Variants in ERBB2 observed in about 807,000 individuals in gnomAD.
ERBB2 encodes erb-b2 receptor tyrosine kinase 2.
Under a neutral mutation model 149.0 loss-of-function variants are expected in ERBB2, and 61 were observed. The ratio of observed to expected loss-of-function variants is 0.41; its 90% confidence interval spans 0.33 to 0.51. The LOEUF (loss-of-function observed/expected upper bound fraction) is 0.51, where lower values mean the gene tolerates loss of function less well. Ranked by LOEUF, ERBB2 falls within the 20% of genes least tolerant of loss-of-function variation. The probability of loss-of-function intolerance (pLI) is 0.25; values close to 1 mark genes in which losing one functional copy is unlikely to be tolerated. For synonymous variants in ERBB2, 633 were observed against 678.8 expected (o/e 0.93, Z 1.05); for missense variants, 1,205 against 1,655.1 (o/e 0.73, Z 4.72).
chr17:39,716,142 CCT>C (rs1355320068), intron 12 of ERBB2, 157 bp from the exon 13 acceptor site: 3 of 996,782 alleles, frequency 3.0e-6, no homozygotes, highest in African/African-American at 1.6e-5. Context: ...CTTCCCTCCC[CCT>C]CTGTTTCTGA....
At chr17:39,695,772 C>G (rs943261224), upstream of ERBB2, among the ~76,000 whole-genome samples, 1 of 147,224 alleles carries the variant, frequency 6.8e-6, no homozygotes, top group South Asian at 2.2e-4. Context: ...TCCTGTGCCC[C>G]CCAGTCTCCA....
At position 39,728,622 on chromosome 17, in the gene ERBB2, C is replaced by T. The variant is rs1431358428; in HGVS notation, c.*578C>T. 4.3e-6 allele frequency: 1 copy of T among 233,202 alleles called. No homozygotes were observed. The highest frequency in any genetic ancestry group is 2.2e-5 in the African/African-American group (1 of 45,260). The allele number at this position is 233,202 out of a possible 1,614,324, so 14.4% of individuals were successfully genotyped here. A position where few individuals can be genotyped will look rare whatever the true frequency, so the allele number is the denominator to read the frequency against. ...CAAGTGTGGGGGGTCCTTCTCCACA[C>T]CCACTTTGTCCATTTGCAAATATAT... On this transcript the variant is annotated 3_prime_UTR_variant, in exon 27 of 27. Coordinates refer to ENST00000269571, the MANE Select transcript of ERBB2 (RefSeq NM_004448.4).
At position 39,725,593 on chromosome 17, in the gene ERBB2, C is replaced by T; in HGVS notation, c.2726-114C>T. On this transcript the variant is annotated intron_variant, in intron 22 of 26. Coordinates refer to ENST00000269571, the MANE Select transcript of ERBB2 (RefSeq NM_004448.4). The surrounding 1 kb of genome is among the most constrained non-coding windows in gnomAD (Gnocchi z 4.6). ...AGACCGGGTAGGGTCTGTCTCCTGGCATCACATCTCCCCCTGCTACCTGCC... is the reference window on the plus strand; with the variant it reads ...AGACCGGGTAGGGTCTGTCTCCTGGTATCACATCTCCCCCTGCTACCTGCC... 7.7e-7 allele frequency: 1 copy of T among 1,291,778 alleles called. No individual in the cohort carries two copies. The highest frequency in any genetic ancestry group is 1.1e-6 in the Non-Finnish European group (1 of 926,520). The allele number at this position is 1,291,778 out of a possible 1,614,324, so 80.0% of individuals were successfully genotyped here.
In ERBB2 at chr17:39,709,392, A is replaced by G; in HGVS notation, c.514A>G (p.Ile172Val). ...CCAGGACACGATTTTGTGGAAGGACATCTTCCACAAGAACAACCAGCTGGC... is the reference window on the plus strand; with the variant it reads ...CCAGGACACGATTTTGTGGAAGGACGTCTTCCACAAGAACAACCAGCTGGC... ...CYQDTILWKD[I>V]FHKNNQLALT... The change falls in exon 4 of 27, where the codon ATC becomes GTC. Residue 172 changes from isoleucine to valine, a missense_variant. Physicochemically the swap from Ile to Val is conservative, Grantham distance 29 (BLOSUM62 3). This residue lies in a region of ERBB2 where 569 missense variants were observed against 803.5 expected (regional missense o/e 0.71). Coordinates refer to ENST00000269571, the MANE Select transcript of ERBB2 (RefSeq NM_004448.4). The G allele has an allele frequency of 6.2e-7, 1 of 1,613,916 alleles. No homozygotes were observed. The highest frequency in any genetic ancestry group is 1.3e-5 in the African/African-American group (1 of 74,988).
At chr17:39,716,643 G>C (rs775274462) in intron 14 of ERBB2, 38 bp downstream of exon 14, 27 of 1,575,848 alleles carry the variant, frequency 1.7e-5, no homozygotes, top group African/African-American at 2.7e-5. Flanking sequence ...GTGGAGGGGG[G>C]CAGCGAGGGG....
Position 39,727,900 on chromosome 17 carries a change from C to T in ERBB2, c.3624C>T (p.His1208=), listed in dbSNP as rs1288263593. Residue 1208 remains histidine, a synonymous_variant, in exon 27 of 27, where the codon CAC becomes CAT. Coordinates refer to ENST00000269571, the MANE Select transcript of ERBB2 (RefSeq NM_004448.4). This position sits in a 1 kb window ranked among gnomAD's most constrained non-coding sequence, Gnocchi z 4.3. ...AGGGAGGAGCTGCCCCTCAGCCCCA[C>T]CCTCCTCCTGCCTTCAGCCCAGCCT... is the stretch of plus-strand genomic sequence containing the variant. ...TPQGGAAPQP[H]PPPAFSPAFD... The T allele has an allele frequency of 3.7e-6, 6 of 1,614,166 alleles. No individual in the cohort carries two copies. The African/African-American group carries it at 4.0e-5, about 11-fold the overall frequency.
upstream of ERBB2, among the ~76,000 whole-genome samples, chr17:39,694,249 A>ATGTGTG (rs1351909343): frequency 8.7e-5 from 3 of 34,566 alleles, no homozygotes; most frequent in Middle Eastern, 0.016. Flanking sequence ...ATATATATAT[A>ATGTGTG]TATATATATA....
At position 39,727,502 on chromosome 17, in the gene ERBB2, G is replaced by C. The variant is rs757332075; in HGVS notation, c.3367G>C (p.Glu1123Gln). The change falls in exon 26 of 27, where the codon GAG becomes CAG. Residue 1123 changes from glutamate (E) to glutamine (Q), a missense_variant. Physicochemically the swap from Glu to Gln is conservative, Grantham distance 29. Around this residue, in one of 6 missense-constraint regions of ERBB2, gnomAD observed 312 missense variants for 343.8 expected, o/e 0.91. Transcript: ENST00000269571. This position sits in a 1 kb window ranked among gnomAD's most constrained non-coding sequence, Gnocchi z 4.3. The part of the protein sequence containing the change: ...SEDPTVPLPS[E>Q]TDGYVAPLTC... ...GGACCCCACAGTACCCCTGCCCTCTGAGACTGATGGCTACGTTGCCCCCCT... is the reference window on the plus strand; with the variant it reads ...GGACCCCACAGTACCCCTGCCCTCTCAGACTGATGGCTACGTTGCCCCCCT... 2 of 1,608,108 alleles carry C rather than the reference G, an allele frequency of 1.2e-6. No individual in the cohort carries two copies. Among genetic ancestry groups the C allele is most frequent in the South Asian group, 2.2e-5 (2 of 90,326 alleles).
At chr17:39,712,797 G>C (rs540692432) in intron 9 of ERBB2, among the ~76,000 whole-genome samples, 1 of 152,288 alleles carries the variant, frequency 6.6e-6, no homozygotes, top group African/African-American at 2.4e-5. Context: ...GTATCCATTT[G>C]GTGAAGTTCT....
rs2143291914 is a variant in ERBB2, at chr17:39,727,743, C to A, written c.3467C>A (p.Pro1156His). ...CAGCCCCCTTCGCCCCGAGAGGGCCCTCTGCCTGCTGCCCGACCTGCTGGT... is the reference window on the plus strand; with the variant it reads ...CAGCCCCCTTCGCCCCGAGAGGGCCATCTGCCTGCTGCCCGACCTGCTGGT... ...RPQPPSPREG[P>H]LPAARPAGAT... Residue 1156 changes from proline (P) to histidine (H), a missense_variant, in exon 27 of 27, where the codon CCT becomes CAT. By Grantham distance (77) the Pro-to-His change is moderately conservative. Coordinates refer to ENST00000269571, the MANE Select transcript of ERBB2 (RefSeq NM_004448.4). The surrounding 1 kb of genome is among the most constrained non-coding windows in gnomAD (Gnocchi z 4.3). The A allele has an allele frequency of 6.3e-7, 1 of 1,594,570 alleles. No individual in the cohort carries two copies. The highest frequency in any genetic ancestry group is 1.1e-5 in the South Asian group (1 of 88,784).
rs756551038 is a variant in ERBB2 at position 39,726,979 on chromosome 17, C to G, written c.3135C>G (p.His1045Gln). 6.2e-7 allele frequency: 1 copy of G among 1,604,642 alleles called. No homozygotes were observed. The highest frequency in any genetic ancestry group is 2.2e-5 in the East Asian group (1 of 44,838). ...PAPGAGGMVH[H>Q]RHRSSSTRSG... ...CGGGCGCTGGGGGCATGGTCCACCA[C>G]AGGCACCGCAGCTCATCTACCAGGG... The change falls in exon 25 of 27, where the codon CAC (histidine) becomes CAG (glutamine). Residue 1045 changes from histidine (H) to glutamine (Q), a missense_variant. Physicochemically the swap from His to Gln is conservative, Grantham distance 24. This residue lies in a region of ERBB2 where 312 missense variants were observed against 343.8 expected (regional missense o/e 0.91). Transcript: ENST00000269571. The surrounding 1 kb of genome is among the most constrained non-coding windows in gnomAD (Gnocchi z 5.1).
chr17:39,697,341 G>GTTTTTTTTTTTTT (rs1313244019), upstream of ERBB2, among the ~76,000 whole-genome samples: 1 of 137,810 alleles, frequency 7.3e-6, no homozygotes, highest in African/African-American at 2.9e-5. Context: ...TGCTAGGGTT[G>GTTTTTTTTTTTTT]TTTTTTTGTT....
chr17:39,714,553 C>T (rs904859752), intron 9 of ERBB2, among the ~76,000 whole-genome samples: 18 of 152,150 alleles, frequency 1.2e-4, no homozygotes, highest in African/African-American at 4.3e-4. Flanking sequence ...TTGTAAAGCT[C>T]TTAGAACAGT....
chr17:39,700,287 C>A lies in ERBB2; in HGVS notation c.49C>A (p.Pro17Thr), dbSNP rs1307888184. 2 of 1,428,290 alleles carry A rather than the reference C, an allele frequency of 1.4e-6. No individual in the cohort carries two copies. The highest frequency in any genetic ancestry group is 1.8e-6 in the Non-Finnish European group (2 of 1,092,778). The allele number at this position is 1,428,290 out of a possible 1,614,324, so 88.5% of individuals were successfully genotyped here. ...CTGGGGGCTCCTCCTCGCCCTCTTGCCCCCCGGAGCCGCGAGCACCCAAGG... is the reference window on the plus strand; with the variant it reads ...CTGGGGGCTCCTCCTCGCCCTCTTGACCCCCGGAGCCGCGAGCACCCAAGG... ...CRWGLLLALLPPGAASTQVCT... is the reference protein window; with the variant it reads ...CRWGLLLALLTPGAASTQVCT... The change falls in exon 1 of 27, where the codon CCC (proline) becomes ACC (threonine). Residue 17 changes from proline to threonine, a missense_variant. Transcript: ENST00000269571.
At chr17:39,720,637 C>G (rs2059398447) in intron 16 of ERBB2, among the ~76,000 whole-genome samples, 1 of 152,072 alleles carries the variant, frequency 6.6e-6, no homozygotes, top group Admixed American at 6.6e-5. Context: ...CTCCATCTAT[C>G]CCAGGATGCA....
chr17:39,712,203 G>A (rs1240382370), intron 8 of ERBB2, 119 bp from the exon 9 acceptor site: 3 of 1,521,790 alleles, frequency 2.0e-6, no homozygotes, highest in Non-Finnish European at 2.7e-6. Flanking sequence ...CCCTACAAGT[G>A]TCCCTATATC....
chr17:39,692,496 C>T (rs554202128), upstream of ERBB2, among the ~76,000 whole-genome samples: 3 of 151,474 alleles, frequency 2.0e-5, no homozygotes, highest in South Asian at 6.2e-4. Flanking sequence ...ACCTCTGCCT[C>T]CCAGGTTCAA....
At chr17:39,712,476 A>G (rs1287282602) in intron 9 of ERBB2, 28 bp downstream of exon 9, 2 of 1,610,988 alleles carry the variant, frequency 1.2e-6, no homozygotes, top group East Asian at 2.2e-5. Flanking sequence ...GACCTGAGAC[A>G]GTGTCAGGGC....
chr17:39,699,199 G>T (rs1567891440), upstream of ERBB2, among the ~76,000 whole-genome samples: 2 of 152,188 alleles, frequency 1.3e-5, no homozygotes, highest in Non-Finnish European at 2.9e-5. Flanking sequence ...GTTGCTCGTG[G>T]TTGTAATTCC....
Sources: allele counts gnomAD v4.1 joint callset (sites outside exome capture counted in the v4.1 genomes callset), GRCh38; gene constraint gnomAD v4.1.1; regional missense constraint gnomAD v4.1.1; non-coding constraint Gnocchi (gnomAD v3.1); transcripts MANE v1.5; gene names NCBI Gene and HGNC (gene_info 2026-07-23, HGNC 2026-07-21).